The following RASGRP1 variants were observed in gnomAD, a reference collection of about 807,000 sequenced individuals.
The protein encoded by RASGRP1 is RAS guanyl releasing protein 1.
A neutral mutation model predicts 95.1 loss-of-function variants in RASGRP1; 37 were observed. The ratio of observed to expected loss-of-function variants is 0.39; its 90% CI spans 0.30 to 0.51. RASGRP1 has a LOEUF of 0.51. Ranked by LOEUF, RASGRP1 falls within the 20% of genes least tolerant of loss-of-function variation. The pLI, the probability that RASGRP1 is intolerant of heterozygous loss-of-function variation, is 0.80. For missense variants in RASGRP1, 711 were observed against 965.4 expected, an observed-to-expected ratio of 0.74 and a Z score of 3.49; for synonymous variants, 325 against 353.4, an observed-to-expected ratio of 0.92 and a Z score of 0.90.
chr15:38,539,554 TTTTTTGTTTTTA>T (rs1355229284), intron 2 of RASGRP1, among the ~76,000 whole-genome samples: 2 of 151,954 alleles, frequency 1.3e-5, no homozygotes, highest in African/African-American at 4.8e-5. Flanking sequence ...TGCCGTTTTT[TTTTTTGTTTTTA>T]TTTATTTATT....
intron 2 of RASGRP1, among the ~76,000 whole-genome samples, chr15:38,532,199 G>T (rs1892467342): frequency 6.6e-6 from 1 of 152,074 alleles, no homozygotes; most frequent in Non-Finnish European, 1.5e-5. Flanking sequence ...TAAAATGCAG[G>T]GTGTCATACT....
intron 10 of RASGRP1, chr15:38,503,850 GA>G (rs1891141186): frequency 5.1e-6 from 1 of 196,688 alleles, no homozygotes; most frequent in Non-Finnish European, 1.0e-5. Context: ...TAATGACTGG[GA>G]TATGTTCTGA....
chr15:38,530,898 A>G (rs564678142), intron 2 of RASGRP1, among the ~76,000 whole-genome samples: 47 of 152,324 alleles, frequency 3.1e-4, no homozygotes, highest in African/African-American at 1.1e-3. Flanking sequence ...GACTTGTTCT[A>G]TGGGGCCACA....
chr15:38,559,272 G>A (rs755888308), intron 2 of RASGRP1, among the ~76,000 whole-genome samples: 10 of 152,136 alleles, frequency 6.6e-5, no homozygotes, highest in Non-Finnish European at 1.2e-4. Context: ...TGAAATGTGC[G>A]TGTCCACATT....
At chr15:38,524,852 T>C (rs1274256035) in intron 3 of RASGRP1, among the ~76,000 whole-genome samples, 2 of 151,416 alleles carry the variant, frequency 1.3e-5, no homozygotes, top group Non-Finnish European at 2.9e-5. Flanking sequence ...TGATAGCTGG[T>C]GGAGTAAGAT....
chr15:38,498,992 C>T (rs1442259539), intron 14 of RASGRP1, 46 bp from the exon 15 acceptor site: 1 of 1,613,120 alleles, frequency 6.2e-7, no homozygotes, highest in Non-Finnish European at 8.5e-7. Context: ...ACTTTTCTCT[C>T]TTCCCCAGTG....
At chr15:38,520,182 C>T (rs1030600373) in intron 3 of RASGRP1, among the ~76,000 whole-genome samples, 2 of 152,172 alleles carry the variant, frequency 1.3e-5, no homozygotes, top group Non-Finnish European at 2.9e-5. Context: ...CATCAACAGA[C>T]TGAGGCATCA....
intron 3 of RASGRP1, among the ~76,000 whole-genome samples, chr15:38,521,184 TCAATG>T (rs1323881902): frequency 1.3e-5 from 2 of 152,152 alleles, no homozygotes; most frequent in Non-Finnish European, 2.9e-5. Flanking sequence ...ATGCATCACT[TCAATG>T]CAAAGAGATT....
At chr15:38,498,728 T>G in intron 15 of RASGRP1, 66 bp downstream of exon 15, 1 of 1,559,090 alleles carries the variant, frequency 6.4e-7, no homozygotes, top group Non-Finnish European at 8.7e-7. Context: ...AGGTAATCTT[T>G]CCGTCTCTAA....
chr15:38,547,516 C>T (rs946961412), intron 2 of RASGRP1, among the ~76,000 whole-genome samples: 4 of 152,196 alleles, frequency 2.6e-5, no homozygotes, highest in Admixed American at 1.3e-4. Flanking sequence ...CCAAGAGCTG[C>T]CTTCCCTACT....
chr15:38,528,496 C>A (rs1299106515), intron 2 of RASGRP1, among the ~76,000 whole-genome samples: 1 of 152,090 alleles, frequency 6.6e-6, no homozygotes, highest in Admixed American at 6.5e-5. Flanking sequence ...AGCATTCAAC[C>A]CAACACAACC....
Position 38,490,426 on chromosome 15 carries a change from T to C in RASGRP1, c.*128A>G. On this transcript the variant is annotated 3_prime_UTR_variant, in exon 17 of 17. Coordinates refer to ENST00000310803, the MANE Select transcript of RASGRP1 (RefSeq NM_005739.4). Reference sequence around the variant, plus strand: ...AGGAATCTTTTAGGTAAATAAACAGTAACAGGCTTTTCCTTTTAAAGTACT... The same window carrying C: ...AGGAATCTTTTAGGTAAATAAACAGCAACAGGCTTTTCCTTTTAAAGTACT... 3 of 949,552 alleles carry C rather than the reference T, an allele frequency of 3.2e-6. No individual in the cohort carries two copies. The highest frequency in any genetic ancestry group is 1.7e-5 in the African/African-American group (1 of 59,216). The allele number at this position is 949,552 out of a possible 1,614,324, so 58.8% of individuals were successfully genotyped here.
At chr15:38,531,613 C>T (rs369600043) in intron 2 of RASGRP1, among the ~76,000 whole-genome samples, 7 of 152,192 alleles carry the variant, frequency 4.6e-5, no homozygotes, top group Admixed American at 2.0e-4. Context: ...GTTTCAGTGA[C>T]GTTCCCAAAG....
chr15:38,515,921 G>A (rs1891758362), intron 6 of RASGRP1, among the ~76,000 whole-genome samples: 1 of 151,696 alleles, frequency 6.6e-6, no homozygotes, highest in South Asian at 2.1e-4. Context: ...GTGTGTGTGT[G>A]TGTGTGTGAT....
At chr15:38,513,406 T>C (rs905615437) in intron 6 of RASGRP1, among the ~76,000 whole-genome samples, 1 of 152,204 alleles carries the variant, frequency 6.6e-6, no homozygotes, top group Non-Finnish European at 1.5e-5. Flanking sequence ...ATCTGCCCTA[T>C]CTAGGACATA....
At chr15:38,516,936 A>G (rs28525672) in intron 5 of RASGRP1, among the ~76,000 whole-genome samples, 51,178 of 151,850 alleles carry the variant, frequency 0.34, 9,165 homozygotes, top group Non-Finnish European at 0.39. Flanking sequence ...CTGACCCTAG[A>G]GTGCGCCCTG....
At chr15:38,504,058 T>G (rs539320884) in intron 10 of RASGRP1, 2 of 152,214 alleles carry the variant, frequency 1.3e-5, no homozygotes, top group Non-Finnish European at 2.9e-5. Flanking sequence ...TCTTAACATA[T>G]CTAAACATAG....
At chr15:38,530,882 G>A (rs1165630489) in intron 2 of RASGRP1, among the ~76,000 whole-genome samples, 1 of 152,162 alleles carries the variant, frequency 6.6e-6, no homozygotes, top group Non-Finnish European at 1.5e-5. Flanking sequence ...TGTGGGAGTT[G>A]GTTTAGACTT....
intron 3 of RASGRP1, among the ~76,000 whole-genome samples, chr15:38,521,448 C>T (rs1891996462): frequency 6.6e-6 from 1 of 152,244 alleles, no homozygotes; most frequent in South Asian, 2.1e-4. Flanking sequence ...TGTGGTGCAG[C>T]GTCAGTGTTG....
Sources: gnomAD v4.1 joint callset for allele counts (sites outside exome capture counted in the v4.1 genomes callset) on GRCh38, gnomAD v4.1.1 for gene constraint, MANE v1.5 for transcripts, NCBI Gene and HGNC (gene_info 2026-07-23, HGNC 2026-07-21) for gene names.